Variants in ASTN2 observed in about 807,000 individuals in gnomAD.
ASTN2 encodes the protein astrotactin 2, also known as astrotactin-2.
ASTN2 carries 54 observed loss-of-function variants against 139.8 expected under a neutral mutation model. The ratio of observed to expected loss-of-function variants is 0.39; its 90% confidence interval spans 0.31 to 0.48. The LOEUF (loss-of-function observed/expected upper bound fraction) is 0.48. Among genes scored for constraint, ASTN2 ranks in the 20% least tolerant of loss-of-function variants. The probability of loss-of-function intolerance (pLI) is 0.95; values close to 1 mark genes in which losing one functional copy is unlikely to be tolerated. For synonymous variants in ASTN2, 756 were observed against 719.5 expected (o/e 1.05, Z -0.81); for missense variants, 1,565 against 1,725.1 (o/e 0.91, Z 1.64).
chr9:116,998,857 G>T (rs1029671180), intron 7 of ASTN2, among the ~76,000 whole-genome samples: 1 of 152,054 alleles, frequency 6.6e-6, no homozygotes, highest in Non-Finnish European at 1.5e-5. Context: ...CTTCAAAACA[G>T]GGAATTTCTC....
intron 10 of ASTN2, among the ~76,000 whole-genome samples, chr9:116,955,606 G>T (rs1835683947): frequency 6.6e-6 from 1 of 152,214 alleles, no homozygotes; most frequent in African/African-American, 2.4e-5. Flanking sequence ...TGCACTGTGT[G>T]CTTGAGGCCC....
chr9:116,784,065 A>ATATAGTATGAGACCT (rs1830296197), intron 13 of ASTN2, among the ~76,000 whole-genome samples: 1 of 152,236 alleles, frequency 6.6e-6, no homozygotes, highest in South Asian at 2.1e-4. Flanking sequence ...AGTATGAGAC[A>ATATAGTATGAGACCT]CAGTATTTTT....
chr9:117,043,067 C>A (rs1221416776), intron 5 of ASTN2, among the ~76,000 whole-genome samples: 2 of 152,090 alleles, frequency 1.3e-5, no homozygotes, highest in Admixed American at 6.6e-5. Flanking sequence ...GACAGTGTTT[C>A]ACCATGTTGG....
Position 117,311,396 on chromosome 9 carries a change from C to T in ASTN2, c.443-19883G>A, listed in dbSNP as rs144249534. Among the ~76,000 whole-genome samples the T allele has an allele frequency of 4.3e-4, 65 of 152,268 alleles. 1 individual carries two copies. The highest frequency in any genetic ancestry group is 3.3e-4 in the Admixed American group (5 of 15,296). On this transcript the variant is annotated intron_variant, in intron 1 of 22. Coordinates refer to ENST00000313400, the MANE Select transcript of ASTN2 (RefSeq NM_001365068.1). ...CCCTGTTTCCCACCAGAGGCACATA[C>T]CAGTTATTCTGGCTCCTAGGACCCA...
At chr9:116,504,348 A>C (rs1850015452) in intron 19 of ASTN2, 1 of 152,158 alleles carries the variant, frequency 6.6e-6, no homozygotes, top group Non-Finnish European at 1.5e-5. Context: ...AACCAAGGTG[A>C]GGGCAAAGAG....
At chr9:116,675,355 C>T (rs1382043253) in intron 16 of ASTN2, among the ~76,000 whole-genome samples, 1 of 152,132 alleles carries the variant, frequency 6.6e-6, no homozygotes, top group Non-Finnish European at 1.5e-5. Context: ...CTTCTCCCAG[C>T]TGGTCTGTAG....
chr9:117,252,847 A>G (rs1416222542), intron 2 of ASTN2, among the ~76,000 whole-genome samples: 2 of 152,168 alleles, frequency 1.3e-5, no homozygotes, highest in African/African-American at 4.8e-5. Context: ...ATTGGGCTCC[A>G]AAGTCAGATA....
In ASTN2 at chr9:116,664,775, G is replaced by A. The variant is rs529834084; in HGVS notation, c.2807-12982C>T. 2.6e-5 allele frequency among the ~76,000 whole-genome samples: 4 copies of A among 152,182 alleles called. No individual in the cohort carries two copies. The South Asian group carries it at 8.3e-4, about 32-fold the overall frequency. On this transcript the variant is annotated intron_variant, in intron 16 of 22. Coordinates refer to ENST00000313400, the MANE Select transcript of ASTN2 (RefSeq NM_001365068.1). The stretch of plus-strand genomic sequence containing the variant: ...TTAAATGCAGTATTTTGATTTTACA[G>A]TTTAGTGAGGAATATTCCAAACACA...
intron 2 of ASTN2, among the ~76,000 whole-genome samples, chr9:117,272,529 C>T (rs1226082508): frequency 2.0e-5 from 3 of 152,284 alleles, no homozygotes; most frequent in South Asian, 2.1e-4. Flanking sequence ...TTTTCTTTTC[C>T]ACTGCATCAT....
chr9:117,305,992 T>C (rs1834989358), intron 1 of ASTN2, among the ~76,000 whole-genome samples: 1 of 152,198 alleles, frequency 6.6e-6, no homozygotes, highest in Non-Finnish European at 1.5e-5. Context: ...TTGAGATCAC[T>C]TGCTTTGAAG....
At chr9:117,342,295 G>A (rs1829085421) in intron 1 of ASTN2, among the ~76,000 whole-genome samples, 1 of 152,224 alleles carries the variant, frequency 6.6e-6, no homozygotes, top group African/African-American at 2.4e-5. Flanking sequence ...CTTTACTGTT[G>A]GCATGCCACT....
At chr9:117,005,396 G>A (rs1185066349) in intron 7 of ASTN2, among the ~76,000 whole-genome samples, 2 of 151,820 alleles carry the variant, frequency 1.3e-5, no homozygotes, top group African/African-American at 4.8e-5. Context: ...TGTTGTCTTG[G>A]CACCCATTTA....
At chr9:117,315,378 A>G (rs935280167) in intron 1 of ASTN2, among the ~76,000 whole-genome samples, 9 of 152,224 alleles carry the variant, frequency 5.9e-5, no homozygotes, top group African/African-American at 2.2e-4. Context: ...TTGTTAGAAC[A>G]GTGAAGGTGC....
intron 1 of ASTN2, among the ~76,000 whole-genome samples, chr9:117,375,023 C>A (rs1305577409): frequency 1.3e-5 from 2 of 152,166 alleles, no homozygotes; most frequent in Non-Finnish European, 2.9e-5. Flanking sequence ...TCTCCCTAAT[C>A]CCAAATCCTT....
intron 19 of ASTN2, among the ~76,000 whole-genome samples, chr9:116,598,468 T>C (rs1854699515): frequency 6.6e-6 from 1 of 152,182 alleles, no homozygotes; most frequent in Non-Finnish European, 1.5e-5. Flanking sequence ...ATCTTCTAGA[T>C]AGGATATGAG....
chr9:117,160,545 C>T (rs1382233717), intron 3 of ASTN2, among the ~76,000 whole-genome samples: 2 of 152,078 alleles, frequency 1.3e-5, no homozygotes, highest in Admixed American at 1.3e-4. Context: ...GTCCTATCAA[C>T]TTGTTCTGCT....
intron 7 of ASTN2, among the ~76,000 whole-genome samples, chr9:116,994,529 G>A (rs916743022): frequency 1.3e-5 from 2 of 152,146 alleles, no homozygotes; most frequent in African/African-American, 4.8e-5. Flanking sequence ...TGAGCTTGTT[G>A]CAACAATGGA....
At chr9:116,922,269 G>A (rs1482221171) in intron 10 of ASTN2, among the ~76,000 whole-genome samples, 1 of 152,162 alleles carries the variant, frequency 6.6e-6, no homozygotes, top group African/African-American at 2.4e-5. Flanking sequence ...TCATAAACAT[G>A]TGTACCCATA....
At position 116,651,762 on chromosome 9, in the gene ASTN2, G is replaced by C; in HGVS notation, c.2838C>G (p.Leu946=). 1.2e-6 allele frequency: 2 copies of C among 1,614,082 alleles called. No homozygotes were observed. Among genetic ancestry groups the C allele is most frequent in the Non-Finnish European group, 1.7e-6 (2 of 1,179,990 alleles). ...GGTAGGTGATGAAGGGCATGGACTT[G>C]AGCTCCTTCTTGCTGCCCAGCTCTG... ...ETTELGSKKE[L]KSMPFITYLS... Residue 946 remains leucine, a synonymous_variant, in exon 17 of 23, where the codon CTC becomes CTG. Transcript: ENST00000313400.
Sources: gnomAD v4.1 joint callset for allele counts (sites outside exome capture counted in the v4.1 genomes callset) on GRCh38, gnomAD v4.1.1 for gene constraint, MANE v1.5 for transcripts, NCBI Gene and HGNC (gene_info 2026-07-23, HGNC 2026-07-21) for gene names.